The following SIAE variants were observed in gnomAD, a reference collection of about 807,000 sequenced individuals.
The protein encoded by SIAE is sialic acid acetylesterase, also known as sialate O-acetylesterase.
Under a neutral mutation model 52.6 loss-of-function variants are expected in SIAE, and 39 were observed. That is an observed-to-expected ratio of 0.74 (90% CI 0.57 to 0.97). The LOEUF (loss-of-function observed/expected upper bound fraction) is 0.97. SIAE is among the 50% of genes least tolerant of loss of function. The pLI, the probability that SIAE is intolerant of heterozygous loss-of-function variation, is 0.00. For synonymous variants in SIAE, 233 were observed against 241.4 expected (o/e 0.97, Z 0.32); for missense variants, 592 against 662.1 (o/e 0.89, Z 1.16).
upstream of SIAE, chr11:124,675,636 G>A: frequency 4.5e-6 from 2 of 445,336 alleles, no homozygotes; most frequent in Non-Finnish European, 8.0e-6. Flanking sequence ...TATTCAGACC[G>A]TCTTCATTGT....
chr11:124,648,314 CT>C (rs1299684617), intron 5 of SIAE, 139 bp from the exon 6 acceptor site: 1 of 693,592 alleles, frequency 1.4e-6, no homozygotes, highest in East Asian at 2.8e-5. Flanking sequence ...AATCGAAACT[CT>C]TTTTCTTGAA....
At chr11:124,673,831 G>C, upstream of SIAE, 1 of 1,139,686 alleles carries the variant, frequency 8.8e-7, no homozygotes, top group Non-Finnish European at 1.3e-6. Flanking sequence ...GCGACCTCAG[G>C]ACTGGGCTGT....
At chr11:124,654,272 A>T (rs769269363) in intron 4 of SIAE, 10 of 985,482 alleles carry the variant, frequency 1.0e-5, no homozygotes, top group Non-Finnish European at 1.1e-5. Flanking sequence ...AAGGCTCTGG[A>T]GAAAGGAGAA....
intron 6 of SIAE, 36 bp downstream of exon 6, chr11:124,648,030 C>T (rs1456124380): frequency 2.6e-6 from 4 of 1,510,790 alleles, no homozygotes; most frequent in Non-Finnish European, 9.2e-7. Context: ...CAAACGCTAT[C>T]TGATACAATG....
At position 124,649,840 on chromosome 11, in the gene SIAE, G is replaced by C. The variant is rs11824902; in HGVS notation, c.545-44C>G. Reference sequence around the variant, plus strand: ...AAAGAAAAAGAGCCAGAGAAAGGTTGATGGATACAAACTGCAGCTGCTAGG... The same window carrying C: ...AAAGAAAAAGAGCCAGAGAAAGGTTCATGGATACAAACTGCAGCTGCTAGG... On this transcript the variant is annotated intron_variant, in intron 4 of 9. Transcript: ENST00000263593. 2.2e-4 allele frequency: 352 copies of C among 1,605,606 alleles called. No homozygotes were observed. In the African/African-American group the frequency reaches 4.4e-3, roughly 20 times the overall value.
At chr11:124,641,980 AAG>A (rs1334048548) in intron 7 of SIAE, among the ~76,000 whole-genome samples, 1 of 151,468 alleles carries the variant, frequency 6.6e-6, no homozygotes, top group African/African-American at 2.4e-5. Flanking sequence ...AAAAAAAAAA[AAG>A]AAACCAAAAT....
chr11:124,639,982 G>A (rs973216460), intron 7 of SIAE, 115 bp from the exon 8 acceptor site: 8 of 1,210,918 alleles, frequency 6.6e-6, no homozygotes, highest in Admixed American at 3.4e-5. Context: ...CATTCAACAC[G>A]TATTTACTGA....
upstream of SIAE, chr11:124,674,720 C>T (rs1943436606): frequency 6.6e-6 from 1 of 151,674 alleles, no homozygotes; most frequent in Non-Finnish European, 1.5e-5. Flanking sequence ...CCCCATTCCA[C>T]AGTACGAAGG....
At chr11:124,675,258 C>G (rs779576077), upstream of SIAE, 36 of 1,609,892 alleles carry the variant, frequency 2.2e-5, no homozygotes, top group Non-Finnish European at 2.8e-5. Flanking sequence ...CAGTTCTTAC[C>G]AAGAAGATGT....
intron 3 of SIAE, 143 bp downstream of exon 3, chr11:124,660,485 T>C (rs757799628): frequency 1.3e-6 from 1 of 792,164 alleles, no homozygotes; most frequent in Non-Finnish European, 2.2e-6. Flanking sequence ...AATGAATTCA[T>C]TCAAAGCATT....
chr11:124,665,335 G>T (rs905945725), intron 2 of SIAE, among the ~76,000 whole-genome samples: 3 of 152,172 alleles, frequency 2.0e-5, no homozygotes, highest in African/African-American at 7.2e-5. Context: ...GATTTTCCTG[G>T]GTTGGCATAC....
chr11:124,635,551 A>G lies in SIAE; in HGVS notation c.*1400T>C, dbSNP rs930974981. 2.0e-5 allele frequency: 3 copies of G among 152,240 alleles called. No homozygotes were observed. Among genetic ancestry groups the G allele is most frequent in the Admixed American group, 6.5e-5 (1 of 15,284 alleles). The allele number at this position is 152,240 out of a possible 1,614,324, so 9.4% of individuals were successfully genotyped here. On this transcript the variant is annotated 3_prime_UTR_variant, in exon 10 of 10. Coordinates refer to ENST00000263593, the MANE Select transcript of SIAE (RefSeq NM_170601.5). ...TTGGGGGAAACATAGTGAATTCCAC[A>G]TAATGTTTTAAATTATTCAGCCACT...
At chr11:124,675,468 G>C (rs370633521), upstream of SIAE, 5 of 1,587,562 alleles carry the variant, frequency 3.1e-6, no homozygotes, top group Non-Finnish European at 4.3e-6. Context: ...CTAAGCATTT[G>C]TTTATGGTAA....
intron 5 of SIAE, 80 bp downstream of exon 5, chr11:124,649,539 C>T (rs1485946808): frequency 2.7e-6 from 4 of 1,474,344 alleles, no homozygotes; most frequent in Admixed American, 1.7e-5. Flanking sequence ...ATATACTTAA[C>T]TCCCCACAGA....
chr11:124,650,466 C>T (rs1354890900), intron 4 of SIAE, among the ~76,000 whole-genome samples: 1 of 152,036 alleles, frequency 6.6e-6, no homozygotes, highest in Non-Finnish European at 1.5e-5. Context: ...TGGCTTTATA[C>T]CCAATTTTAT....
At chr11:124,656,368 C>T (rs1943099925) in intron 3 of SIAE, among the ~76,000 whole-genome samples, 1 of 152,148 alleles carries the variant, frequency 6.6e-6, no homozygotes. Context: ...GGTAAATCAC[C>T]AAAGAAAAGC....
chr11:124,650,377 T>C (rs1487864988), intron 4 of SIAE, among the ~76,000 whole-genome samples: 1 of 152,142 alleles, frequency 6.6e-6, no homozygotes. Context: ...CAGCCACTCA[T>C]TCCCACTTAG....
chr11:124,644,418 C>T (rs996242596), intron 7 of SIAE, among the ~76,000 whole-genome samples: 1 of 151,192 alleles, frequency 6.6e-6, no homozygotes, highest in Non-Finnish European at 1.5e-5. Flanking sequence ...AACAGTCCCT[C>T]AAGTCAAGGG....
intron 3 of SIAE, among the ~76,000 whole-genome samples, 164 bp from the exon 4 acceptor site, chr11:124,654,957 C>A (rs888681587): frequency 6.6e-6 from 1 of 151,872 alleles, no homozygotes; most frequent in Non-Finnish European, 1.5e-5. Context: ...CCACTTTTAC[C>A]AAAAGAGACC....
Sources: allele counts gnomAD v4.1 joint callset (sites outside exome capture counted in the v4.1 genomes callset), GRCh38; gene constraint gnomAD v4.1.1; transcripts MANE v1.5; gene names NCBI Gene and HGNC (gene_info 2026-07-23, HGNC 2026-07-21).